The following ITGBL1 variants were observed in gnomAD, a reference collection of about 807,000 sequenced individuals.
The protein encoded by ITGBL1 is integrin beta-like protein 1.
ITGBL1 carries 51 observed loss-of-function variants against 68.5 expected under a neutral mutation model. That is an observed-to-expected ratio of 0.74 (90% CI 0.59 to 0.94). The LOEUF is 0.94. Among genes scored for constraint, ITGBL1 ranks in the 40% least tolerant of loss-of-function variants. The pLI, the probability that ITGBL1 is intolerant of heterozygous loss-of-function variation, is 0.00. For missense variants in ITGBL1, 649 were observed against 647.4 expected, an observed-to-expected ratio of 1.00 and a Z score of -0.03; for synonymous variants, 209 against 227.3, an observed-to-expected ratio of 0.92 and a Z score of 0.72.
At chr13:101,616,651 C>T (rs1366841160) in intron 7 of ITGBL1, among the ~76,000 whole-genome samples, 4 of 152,002 alleles carry the variant, frequency 2.6e-5, no homozygotes, top group Non-Finnish European at 2.9e-5. Context: ...CCACCATGCC[C>T]GGCTAATTTT....
At chr13:101,457,024 T>C (rs1203251872) in intron 2 of ITGBL1, among the ~76,000 whole-genome samples, 1 of 152,212 alleles carries the variant, frequency 6.6e-6, no homozygotes, top group Non-Finnish European at 1.5e-5. Context: ...TGAGCCTTGA[T>C]TTCTTCATCT....
intron 2 of ITGBL1, among the ~76,000 whole-genome samples, chr13:101,555,684 T>TTG (rs35243452): frequency 0.78 from 118,125 of 151,378 alleles, 46,078 homozygotes; most frequent in South Asian, 0.8. Flanking sequence ...TTTAAGTGTT[T>TTG]TGTGTGTGTG....
intron 2 of ITGBL1, among the ~76,000 whole-genome samples, chr13:101,536,129 A>T (rs1430003717): frequency 1.3e-5 from 2 of 151,872 alleles, no homozygotes; most frequent in Non-Finnish European, 2.9e-5. Flanking sequence ...TGTATACATG[A>T]GATACCATCT....
chr13:101,709,140 T>C (rs986123798), intron 9 of ITGBL1, among the ~76,000 whole-genome samples: 7 of 145,636 alleles, frequency 4.8e-5, no homozygotes, highest in African/African-American at 1.8e-4. Flanking sequence ...CCGAGGCGGG[T>C]GGATCATGAG....
chr13:101,660,142 C>T (rs1462753361), intron 7 of ITGBL1, among the ~76,000 whole-genome samples: 1 of 152,148 alleles, frequency 6.6e-6, no homozygotes, highest in Non-Finnish European at 1.5e-5. Context: ...CATAACATTG[C>T]AGTAAAGAAA....
At chr13:101,547,322 C>CT (rs1470373754) in intron 2 of ITGBL1, among the ~76,000 whole-genome samples, 1 of 151,832 alleles carries the variant, frequency 6.6e-6, no homozygotes, top group Non-Finnish European at 1.5e-5. Context: ...TGATTATTTT[C>CT]TAATTTATTA....
chr13:101,674,148 T>C (rs551721109), intron 7 of ITGBL1, among the ~76,000 whole-genome samples: 57 of 152,318 alleles, frequency 3.7e-4, no homozygotes, highest in Middle Eastern at 3.4e-3. Context: ...ACTACAATCA[T>C]ATACAAAGCC....
At chr13:101,639,493 A>C (rs1156318537) in intron 7 of ITGBL1, among the ~76,000 whole-genome samples, 2 of 152,234 alleles carry the variant, frequency 1.3e-5, no homozygotes, top group East Asian at 3.8e-4. Context: ...GATATTTCTG[A>C]AATTACAATT....
At chr13:101,528,371 T>G (rs956511392) in intron 2 of ITGBL1, among the ~76,000 whole-genome samples, 2 of 151,742 alleles carry the variant, frequency 1.3e-5, no homozygotes, top group African/African-American at 4.8e-5. Flanking sequence ...GTTTTTAACA[T>G]AAATGTTTGT....
chr13:101,609,166 A>G (rs2031013088), intron 7 of ITGBL1, among the ~76,000 whole-genome samples: 2 of 152,232 alleles, frequency 1.3e-5, no homozygotes, highest in South Asian at 4.1e-4. Context: ...ACTCATTATG[A>G]TATCTTAAAC....
intron 7 of ITGBL1, among the ~76,000 whole-genome samples, chr13:101,671,191 C>T (rs890590788): frequency 2.0e-5 from 3 of 151,912 alleles, no homozygotes; most frequent in Admixed American, 1.3e-4. Context: ...GTAGGCCAAG[C>T]GAAAATTTCC....
At chr13:101,502,264 G>A (rs894105724) in intron 2 of ITGBL1, among the ~76,000 whole-genome samples, 3 of 152,184 alleles carry the variant, frequency 2.0e-5, no homozygotes, top group Non-Finnish European at 4.4e-5. Context: ...AGGACCATGT[G>A]TGATATAATA....
intron 7 of ITGBL1, among the ~76,000 whole-genome samples, chr13:101,659,010 C>A (rs922129213): frequency 1.3e-5 from 2 of 151,082 alleles, no homozygotes; most frequent in Admixed American, 6.6e-5. Context: ...TTATAGTGAC[C>A]CCTAATCAGG....
At chr13:101,575,727 C>T (rs2050348370) in intron 4 of ITGBL1, among the ~76,000 whole-genome samples, 181 bp downstream of exon 4, 1 of 151,992 alleles carries the variant, frequency 6.6e-6, no homozygotes, top group Non-Finnish European at 1.5e-5. Context: ...TAGACTAGTA[C>T]TTTTTAGATG....
chr13:101,580,616 T>C (rs1028286046), intron 5 of ITGBL1, among the ~76,000 whole-genome samples: 1 of 152,100 alleles, frequency 6.6e-6, no homozygotes, highest in African/African-American at 2.4e-5. Context: ...CAGGCCCCAG[T>C]GTGTGATGTT....
chr13:101,705,807 C>T (rs1043542672), intron 8 of ITGBL1, among the ~76,000 whole-genome samples: 4 of 151,990 alleles, frequency 2.6e-5, no homozygotes, highest in Admixed American at 1.3e-4. Context: ...GAATGATGAG[C>T]GTATCTGTCC....
intron 2 of ITGBL1, among the ~76,000 whole-genome samples, chr13:101,487,455 T>A (rs2048717103): frequency 6.6e-6 from 1 of 152,234 alleles, no homozygotes. Flanking sequence ...ATTTTTGAAA[T>A]CCTGGTAGCG....
rs140096821 is a variant in ITGBL1, at chr13:101,650,119, G to T, written c.1016-42466G>T. 6.0e-4 allele frequency among the ~76,000 whole-genome samples: 92 copies of T among 152,336 alleles called. 1 individual carries two copies. The East Asian group carries it at 0.016, about 27-fold the overall frequency. On this transcript the variant is annotated intron_variant, in intron 7 of 10. Transcript: ENST00000376180. ...TTGTCCTCTTAATGCTCATGGTACT[G>T]TTGGGTCTCAGCTTTCTCATCAGAT... is the stretch of plus-strand genomic sequence containing the variant.
intron 2 of ITGBL1, among the ~76,000 whole-genome samples, chr13:101,500,970 C>G (rs556373293): frequency 6.6e-6 from 1 of 152,246 alleles, no homozygotes; most frequent in East Asian, 1.9e-4. Context: ...ATTGCTCTTC[C>G]TGCTTCCTCC....
Sources: allele counts gnomAD v4.1 joint callset (sites outside exome capture counted in the v4.1 genomes callset), GRCh38; gene constraint gnomAD v4.1.1; transcripts MANE v1.5; gene names NCBI Gene and HGNC (gene_info 2026-07-23, HGNC 2026-07-21).